Variants in SMG6 observed in about 807,000 individuals in gnomAD.
SMG6 encodes SMG6 nonsense mediated mRNA decay factor, also known as telomerase-binding protein EST1A.
SMG6 carries 66 observed loss-of-function variants against 142.2 expected under a neutral mutation model. The ratio of observed to expected loss-of-function variants is 0.46; its 90% confidence interval spans 0.38 to 0.57. SMG6 has a LOEUF of 0.57. Among genes scored for constraint, SMG6 ranks in the 20% least tolerant of loss-of-function variants. SMG6 has a pLI of 0.00. For synonymous variants in SMG6, 779 were observed against 702.4 expected, an observed-to-expected ratio of 1.11 and a Z score of -1.72; for missense variants, 1,793 against 1,832.0, an observed-to-expected ratio of 0.98 and a Z score of 0.39.
intron 13 of SMG6, among the ~76,000 whole-genome samples, chr17:2,156,472 C>A (rs1001548101): frequency 6.7e-6 from 1 of 149,336 alleles, no homozygotes; most frequent in Non-Finnish European, 1.5e-5. Context: ...TGACACTATC[C>A]TCAGGGAAAT....
At chr17:2,069,625 G>C (rs182432070) in intron 15 of SMG6, among the ~76,000 whole-genome samples, 6 of 152,110 alleles carry the variant, frequency 3.9e-5, no homozygotes, top group Admixed American at 2.0e-4. Context: ...AACAAACAAC[G>C]AACAATGAAG....
chr17:2,128,374 C>A (rs141360183), intron 13 of SMG6, among the ~76,000 whole-genome samples: 1 of 152,206 alleles, frequency 6.6e-6, no homozygotes, highest in South Asian at 2.1e-4. Context: ...CAGCTACATG[C>A]GGCCAGTAGT....
At chr17:2,134,670 T>C (rs141936574) in intron 13 of SMG6, among the ~76,000 whole-genome samples, 18 of 152,190 alleles carry the variant, frequency 1.2e-4, no homozygotes, top group East Asian at 5.8e-4. Flanking sequence ...GTCATGAAAA[T>C]TGATCATGTT....
chr17:2,121,657 A>G (rs577380046), intron 13 of SMG6, among the ~76,000 whole-genome samples: 246 of 138,300 alleles, frequency 1.8e-3, no homozygotes, highest in Non-Finnish European at 3.0e-3. Context: ...AGAGAGAGAG[A>G]GAGTATCACC....
At position 2,292,899 on chromosome 17, in the gene SMG6, C is replaced by T. The variant is rs779780704; in HGVS notation, c.2230G>A (p.Asp744Asn). 2 of 1,614,088 alleles carry T rather than the reference C, an allele frequency of 1.2e-6. No individual in the cohort carries two copies. Among genetic ancestry groups the T allele is most frequent in the South Asian group, 1.1e-5 (1 of 91,076 alleles). ...CGTGCTTTCCCATAATTCGCTGTAT[C>T]ACTGGCTTGCTCCCGGTACCTAGCA... is the stretch of plus-strand genomic sequence containing the variant. Reference protein sequence around the residue: ...DIARYREQASDTANYGKARSW... With the variant: ...DIARYREQASNTANYGKARSW... Residue 744 changes from aspartate (D) to asparagine (N), a missense_variant, in exon 5 of 19, where the codon GAT becomes AAT. Physicochemically the swap from Asp to Asn is conservative, Grantham distance 23. Coordinates refer to ENST00000263073, the MANE Select transcript of SMG6 (RefSeq NM_017575.5).
intron 8 of SMG6, among the ~76,000 whole-genome samples, chr17:2,278,780 A>G (rs1037851087): frequency 8.5e-5 from 13 of 152,180 alleles, no homozygotes; most frequent in African/African-American, 3.1e-4. Flanking sequence ...ATAAATATGT[A>G]CAATTATTAT....
intron 13 of SMG6, among the ~76,000 whole-genome samples, chr17:2,170,880 A>G (rs2071482760): frequency 6.6e-6 from 1 of 152,258 alleles, no homozygotes; most frequent in South Asian, 2.1e-4. Flanking sequence ...TAAAGCAAAG[A>G]TTGGTTAAAG....
intron 8 of SMG6, among the ~76,000 whole-genome samples, chr17:2,266,697 GAT>G (rs1257602745): frequency 6.6e-6 from 1 of 152,162 alleles, no homozygotes; most frequent in Non-Finnish European, 1.5e-5. Flanking sequence ...AAACAAAACG[GAT>G]AGGATAAAAA....
At chr17:2,295,024 G>A (rs1438294747) in intron 4 of SMG6, among the ~76,000 whole-genome samples, 1 of 152,038 alleles carries the variant, frequency 6.6e-6, no homozygotes, top group Non-Finnish European at 1.5e-5. Flanking sequence ...TTACAGGCAT[G>A]CACCACCACA....
intron 13 of SMG6, among the ~76,000 whole-genome samples, chr17:2,146,711 G>A (rs532809315): frequency 2.6e-5 from 4 of 152,190 alleles, no homozygotes; most frequent in Admixed American, 6.5e-5. Context: ...GACTACAGGC[G>A]CATGCTGCCA....
intron 13 of SMG6, among the ~76,000 whole-genome samples, chr17:2,151,589 T>C (rs1243000499): frequency 6.6e-6 from 1 of 152,202 alleles, no homozygotes; most frequent in African/African-American, 2.4e-5. Context: ...TAGTGATCCA[T>C]GTCACATGCA....
chr17:2,237,619 G>T, intron 9 of SMG6: 1 of 941,174 alleles, frequency 1.1e-6, no homozygotes, highest in Non-Finnish European at 1.3e-6. Flanking sequence ...CTGGCCAAGT[G>T]CCACTCCCAA....
chr17:2,196,823 G>A (rs1282821785), intron 10 of SMG6, among the ~76,000 whole-genome samples: 1 of 152,128 alleles, frequency 6.6e-6, no homozygotes, highest in Non-Finnish European at 1.5e-5. Flanking sequence ...GAGATCAGGA[G>A]TTTGAGACTA....
intron 10 of SMG6, among the ~76,000 whole-genome samples, chr17:2,190,739 G>A (rs565851269): frequency 6.6e-6 from 1 of 152,266 alleles, no homozygotes; most frequent in South Asian, 2.1e-4. Flanking sequence ...GCAGCTAGAA[G>A]GCAGCTTCAT....
At chr17:2,186,411 A>C (rs1446152599) in intron 12 of SMG6, among the ~76,000 whole-genome samples, 1 of 152,200 alleles carries the variant, frequency 6.6e-6, no homozygotes, top group Non-Finnish European at 1.5e-5. Context: ...CGAGAGCAAG[A>C]ACAAATAACA....
At chr17:2,223,993 G>T (rs1251131049) in intron 10 of SMG6, among the ~76,000 whole-genome samples, 2 of 152,158 alleles carry the variant, frequency 1.3e-5, no homozygotes, top group Admixed American at 6.5e-5. Context: ...AGCTTCCTCT[G>T]GTAGTACGGC....
At chr17:2,279,215 G>A (rs1023436260) in intron 8 of SMG6, among the ~76,000 whole-genome samples, 2 of 152,220 alleles carry the variant, frequency 1.3e-5, no homozygotes, top group Admixed American at 6.5e-5. Flanking sequence ...AAATACCAGT[G>A]AGAGGTAAGA....
intron 13 of SMG6, among the ~76,000 whole-genome samples, chr17:2,164,190 A>G (rs2071263400): frequency 6.6e-6 from 1 of 151,572 alleles, no homozygotes; most frequent in Non-Finnish European, 1.5e-5. Flanking sequence ...GCTGAGGTGG[A>G]GGCGGGCAAA....
intron 13 of SMG6, among the ~76,000 whole-genome samples, chr17:2,113,262 G>A (rs1329057753): frequency 6.6e-6 from 1 of 151,032 alleles, no homozygotes; most frequent in Non-Finnish European, 1.5e-5. Flanking sequence ...TTTATTTTTT[G>A]TAGAGATAGG....
Sources: gnomAD v4.1 joint callset for allele counts (sites outside exome capture counted in the v4.1 genomes callset) on GRCh38, gnomAD v4.1.1 for gene constraint, MANE v1.5 for transcripts, NCBI Gene and HGNC (gene_info 2026-07-23, HGNC 2026-07-21) for gene names.